The following MYLK variants were observed in gnomAD, a reference collection of about 807,000 sequenced individuals.
MYLK encodes myosin light chain kinase.
In MYLK, 106 loss-of-function variants were observed where a neutral mutation model predicts 203.4. The ratio of observed to expected loss-of-function variants is 0.52; its 90% CI spans 0.45 to 0.61. The LOEUF is 0.61. Among genes scored for constraint, MYLK ranks in the 20% least tolerant of loss-of-function variants. MYLK has a pLI of 0.00. For missense variants in MYLK, 2,072 were observed against 2,442.3 expected (o/e 0.85, Z 3.20); for synonymous variants, 867 against 959.5 (o/e 0.90, Z 1.78).
intron 16 of MYLK, among the ~76,000 whole-genome samples, chr3:123,706,917 ATTC>A (rs1219027179): frequency 6.6e-6 from 1 of 152,150 alleles, no homozygotes; most frequent in Non-Finnish European, 1.5e-5. Flanking sequence ...ATGTCTGCAA[ATTC>A]TTCTCTCCAA....
At chr3:123,669,423 CTTT>C (rs11337964) in intron 20 of MYLK, among the ~76,000 whole-genome samples, 29 of 144,294 alleles carry the variant, frequency 2.0e-4, no homozygotes, top group East Asian at 7.9e-4. Context: ...AGAGGAAAGG[CTTT>C]TTTTTTTTTT....
intron 19 of MYLK, among the ~76,000 whole-genome samples, chr3:123,686,553 C>G (rs1398441139): frequency 6.6e-6 from 1 of 152,146 alleles, no homozygotes; most frequent in African/African-American, 2.4e-5. Context: ...GCTGGCCTCT[C>G]TCTCTGACTG....
chr3:123,626,899 T>G lies in MYLK; in HGVS notation c.5157A>C (p.Leu1719=). ...DCTQCLQHPW[L]MKDTKNMEAK... Reference sequence around the variant, plus strand: ...CCTCCATGTTCTTGGTATCTTTCATTAGCCATGGATGCTGAAGGCACTGCG... The same window carrying G: ...CCTCCATGTTCTTGGTATCTTTCATGAGCCATGGATGCTGAAGGCACTGCG... Residue 1719 remains leucine, a synonymous_variant, in exon 31 of 34, where the codon CTA becomes CTC. Transcript: ENST00000360304. 6.2e-7 allele frequency: 1 copy of G among 1,614,202 alleles called. No homozygotes were observed. Among genetic ancestry groups the G allele is most frequent in the South Asian group, 1.1e-5 (1 of 91,086 alleles).
In MYLK at chr3:123,878,598, T is replaced by A. The variant is rs143579274; in HGVS notation, c.-185-1981A>T. Among the ~76,000 whole-genome samples the A allele has an allele frequency of 6.0e-4, 91 of 152,366 alleles. 2 individuals carry two copies. The South Asian group carries it at 0.011, about 18-fold the overall frequency. ...GGAACCAATGTGTATCCATTCTTCC[T>A]GCCTATGTCAGGCCGTTCACCTTCC... On this transcript the variant is annotated intron_variant, in intron 1 of 33. Coordinates refer to ENST00000360304, the MANE Select transcript of MYLK (RefSeq NM_053025.4).
In MYLK at chr3:123,734,098, G is replaced by T. The variant is rs754066107; in HGVS notation, c.898C>A (p.Pro300Thr). 2 of 1,608,932 alleles carry T rather than the reference G, an allele frequency of 1.2e-6. No individual in the cohort carries two copies. Among genetic ancestry groups the T allele is most frequent in the Admixed American group, 1.7e-5 (1 of 59,834 alleles). The change falls in exon 10 of 34, where the codon CCC (proline) becomes ACC (threonine). Residue 300 changes from proline to threonine, a missense_variant. Pro to Thr is a conservative substitution (Grantham distance 38, BLOSUM62 -1). This residue lies in a region of MYLK where 683 missense variants were observed against 643.8 expected (regional missense o/e 1.06). Coordinates refer to ENST00000360304, the MANE Select transcript of MYLK (RefSeq NM_053025.4). ...CAGGGTGGGGAGCCACCTCTCTGGG[G>T]GCTGGAGCAGTTCTTGCTTTTGGCT... ...AAAKSKNCSS[P>T]QRGGSPPWAA...
intron 20 of MYLK, among the ~76,000 whole-genome samples, chr3:123,678,650 C>T (rs914907512): frequency 2.0e-5 from 3 of 151,918 alleles, no homozygotes; most frequent in Non-Finnish European, 4.4e-5. Flanking sequence ...GGAACACACA[C>T]ACAAACACAC....
At chr3:123,746,377 A>G (rs1215855224) in intron 5 of MYLK, among the ~76,000 whole-genome samples, 1 of 152,020 alleles carries the variant, frequency 6.6e-6, no homozygotes, top group Non-Finnish European at 1.5e-5. Context: ...AAAAGCCTAA[A>G]TCTACCAAAG....
intron 23 of MYLK, 30 bp downstream of exon 23, chr3:123,664,075 A>G (rs553887696): frequency 1.9e-6 from 3 of 1,613,406 alleles, no homozygotes; most frequent in East Asian, 2.2e-5. Context: ...CCTTGCCCCA[A>G]GCTCCATGCC....
intron 16 of MYLK, among the ~76,000 whole-genome samples, chr3:123,706,903 T>C (rs1470745876): frequency 2.6e-5 from 4 of 152,168 alleles, no homozygotes; most frequent in Non-Finnish European, 5.9e-5. Context: ...GTGGTAGTTT[T>C]AAAATGTCTG....
chr3:123,794,298 A>G (rs1199990579), intron 3 of MYLK, among the ~76,000 whole-genome samples: 1 of 152,246 alleles, frequency 6.6e-6, no homozygotes, highest in Non-Finnish European at 1.5e-5. Flanking sequence ...AAGAGCTCAC[A>G]GGCTATAGAA....
intron 12 of MYLK, among the ~76,000 whole-genome samples, chr3:123,722,524 C>T (rs542915730): frequency 5.3e-5 from 8 of 151,956 alleles, no homozygotes; most frequent in South Asian, 2.1e-4. Context: ...AGGAGGAAGA[C>T]GGGGCCTAGA....
At chr3:123,758,021 C>T (rs183778942) in intron 4 of MYLK, among the ~76,000 whole-genome samples, 37 of 151,792 alleles carry the variant, frequency 2.4e-4, no homozygotes, top group African/African-American at 8.7e-4. Context: ...CAAGTATAAG[C>T]TCACTCAGAT....
At chr3:123,721,056 C>G (rs1371959721) in intron 13 of MYLK, among the ~76,000 whole-genome samples, 1 of 152,210 alleles carries the variant, frequency 6.6e-6, no homozygotes. Flanking sequence ...GAAATCAGGA[C>G]AGCATCCTTG....
intron 2 of MYLK, among the ~76,000 whole-genome samples, chr3:123,872,520 C>A (rs909625955): frequency 6.6e-6 from 1 of 152,090 alleles, no homozygotes; most frequent in Non-Finnish European, 1.5e-5. Context: ...TCTGACCAAC[C>A]GACGATAAGT....
rs760372891 is a variant in MYLK at position 123,700,882 on chromosome 3, C to G, written c.2586G>C (p.Glu862Asp). The change falls in exon 18 of 34, where the codon GAG (glutamate) becomes GAC (aspartate). Residue 862 changes from glutamate to aspartate, a missense_variant. Coordinates refer to ENST00000360304, the MANE Select transcript of MYLK (RefSeq NM_053025.4). ...CTCGCACGTCCTCGCCGTCTTCCTC[C>G]TCTAGCCAACCCTGCCCTCTTGCTG... Reference protein sequence around the residue: ...GWPARGQGWLEEEDGEDVRGV... With the variant: ...GWPARGQGWLDEEDGEDVRGV... The G allele has an allele frequency of 2.5e-6, 4 of 1,613,086 alleles. No homozygotes were observed. The highest frequency in any genetic ancestry group is 1.3e-5 in the African/African-American group (1 of 74,922).
At chr3:123,843,529 C>A (rs1415496732) in intron 2 of MYLK, among the ~76,000 whole-genome samples, 1 of 152,160 alleles carries the variant, frequency 6.6e-6, no homozygotes. Context: ...GAAAACTCTG[C>A]TACATTCCAG....
chr3:123,699,887 C>T, intron 18 of MYLK, 133 bp downstream of exon 18: 2 of 1,208,998 alleles, frequency 1.7e-6, no homozygotes. Context: ...CCCAGCAGGC[C>T]CTCCTACCTG....
intron 5 of MYLK, among the ~76,000 whole-genome samples, chr3:123,743,407 T>C (rs2062918976): frequency 1.3e-5 from 2 of 152,132 alleles, no homozygotes; most frequent in Non-Finnish European, 2.9e-5. Flanking sequence ...AGAGTTCACA[T>C]CAAGACAAAA....
chr3:123,754,087 G>A (rs1353322047), intron 4 of MYLK, among the ~76,000 whole-genome samples: 1 of 152,238 alleles, frequency 6.6e-6, no homozygotes, highest in Non-Finnish European at 1.5e-5. Context: ...CGAGGAAAGA[G>A]CTATGCTAAA....
Sources: allele counts gnomAD v4.1 joint callset (sites outside exome capture counted in the v4.1 genomes callset), GRCh38; gene constraint gnomAD v4.1.1; regional missense constraint gnomAD v4.1.1; transcripts MANE v1.5; gene names NCBI Gene and HGNC (gene_info 2026-07-23, HGNC 2026-07-21).